Variants in PCDH15 observed in about 807,000 individuals in gnomAD.
PCDH15 encodes the protein protocadherin related 15.
A neutral mutation model predicts 178.5 loss-of-function variants in PCDH15; 129 were observed. The observed-to-expected ratio is 0.72, with a 90% CI of 0.63 to 0.84. The LOEUF is 0.84. Ranked by LOEUF, PCDH15 falls within the 40% of genes least tolerant of loss-of-function variation. PCDH15 has a pLI of 0.00. For missense variants in PCDH15, 2,230 were observed against 2,099.9 expected (o/e 1.06, Z -1.21); for synonymous variants, 800 against 732.0 (o/e 1.09, Z -1.50).
chr10:54,693,039 T>C (rs1400101163), intron 1 of PCDH15, among the ~76,000 whole-genome samples: 2 of 152,004 alleles, frequency 1.3e-5, no homozygotes, highest in Non-Finnish European at 2.9e-5. Context: ...CCTCATACCC[T>C]ACCCCGCAAC....
intron 3 of PCDH15, among the ~76,000 whole-genome samples, chr10:54,411,824 G>A (rs114131369): frequency 0.011 from 1,659 of 152,248 alleles, 34 homozygotes; most frequent in African/African-American, 0.038. Context: ...ACTTGTCAGA[G>A]AGACTAATAC....
intron 2 of PCDH15, among the ~76,000 whole-genome samples, chr10:54,576,636 A>T (rs1297594677): frequency 6.6e-6 from 1 of 152,182 alleles, no homozygotes; most frequent in Non-Finnish European, 1.5e-5. Context: ...AAATGTAAGG[A>T]ATTCAGTCAG....
chr10:53,837,768 C>CAT (rs1330225722), intron 29 of PCDH15, among the ~76,000 whole-genome samples: 2 of 151,674 alleles, frequency 1.3e-5, no homozygotes, highest in African/African-American at 4.8e-5. Flanking sequence ...CACACACACA[C>CAT]ATACACACAT....
At chr10:55,590,442 C>A (rs1257013089) in intron 2 of PCDH15, among the ~76,000 whole-genome samples, 1 of 151,646 alleles carries the variant, frequency 6.6e-6, no homozygotes, top group Admixed American at 6.6e-5. Context: ...TTCACATGCA[C>A]CCTAAAACTT....
chr10:55,409,845 G>A (rs945837968), intron 2 of PCDH15, among the ~76,000 whole-genome samples: 1 of 152,072 alleles, frequency 6.6e-6, no homozygotes, highest in African/African-American at 2.4e-5. Flanking sequence ...CTGGAAAGGA[G>A]GAACATATTA....
At chr10:55,073,694 T>C (rs547182572) in intron 2 of PCDH15, among the ~76,000 whole-genome samples, 1 of 152,196 alleles carries the variant, frequency 6.6e-6, no homozygotes, top group East Asian at 1.9e-4. Context: ...CCCTCTTCAA[T>C]TTTTTATAAT....
At chr10:54,958,960 G>A (rs16906753) in intron 2 of PCDH15, among the ~76,000 whole-genome samples, 1,628 of 151,956 alleles carry the variant, frequency 0.011, 75 homozygotes, top group East Asian at 0.049. Flanking sequence ...GAGCAGTAAC[G>A]TGAGGAAATA....
At chr10:54,333,933 T>C (rs564597598) in intron 6 of PCDH15, among the ~76,000 whole-genome samples, 78 of 152,212 alleles carry the variant, frequency 5.1e-4, no homozygotes, top group Non-Finnish European at 9.4e-4. Context: ...GCAGAAAAGT[T>C]TGGGAACAGA....
At chr10:54,813,084 T>G (rs1952891731) in intron 3 of PCDH15, among the ~76,000 whole-genome samples, 1 of 152,208 alleles carries the variant, frequency 6.6e-6, no homozygotes, top group African/African-American at 2.4e-5. Context: ...TTTATTTTCC[T>G]GGATTGCCGA....
chr10:54,164,506 T>C (rs2046016095), intron 13 of PCDH15, among the ~76,000 whole-genome samples: 1 of 152,304 alleles, frequency 6.6e-6, no homozygotes, highest in South Asian at 2.1e-4. Flanking sequence ...CCCAGTTGAA[T>C]GTATCAACAC....
At chr10:54,714,009 G>C (rs1396385166) in intron 1 of PCDH15, among the ~76,000 whole-genome samples, 1 of 152,144 alleles carries the variant, frequency 6.6e-6, no homozygotes, top group Non-Finnish European at 1.5e-5. Flanking sequence ...GAAGTTGAAA[G>C]TGTCTCTGAC....
At chr10:55,308,950 C>T (rs1843503705) in intron 1 of PCDH15, among the ~76,000 whole-genome samples, 1 of 152,142 alleles carries the variant, frequency 6.6e-6, no homozygotes, top group Non-Finnish European at 1.5e-5. Context: ...ATCTCAGCAA[C>T]TTGAATGTGA....
At chr10:55,089,862 G>A (rs909365792) in intron 2 of PCDH15, among the ~76,000 whole-genome samples, 1 of 151,994 alleles carries the variant, frequency 6.6e-6, no homozygotes, top group Non-Finnish European at 1.5e-5. Context: ...GGAAGTTAAT[G>A]TTCCTCTTAC....
intron 1 of PCDH15, among the ~76,000 whole-genome samples, chr10:55,282,813 C>T (rs1172647578): frequency 6.6e-6 from 1 of 152,132 alleles, no homozygotes; most frequent in African/African-American, 2.4e-5. Flanking sequence ...TTTGAAATCA[C>T]CTTTGCAAAA....
At chr10:54,925,204 C>T (rs1278733583) in intron 2 of PCDH15, among the ~76,000 whole-genome samples, 1 of 151,964 alleles carries the variant, frequency 6.6e-6, no homozygotes, top group Non-Finnish European at 1.5e-5. Flanking sequence ...ATAAAAAATC[C>T]TTTCCTTGTT....
chr10:55,516,759 T>C (rs530341725), intron 2 of PCDH15, among the ~76,000 whole-genome samples: 42 of 152,166 alleles, frequency 2.8e-4, no homozygotes, highest in Admixed American at 6.6e-4. Flanking sequence ...TATTTAGTGC[T>C]TTGTGACTGC....
chr10:53,858,186 G>T (rs538154060), intron 27 of PCDH15, among the ~76,000 whole-genome samples: 1 of 152,156 alleles, frequency 6.6e-6, no homozygotes, highest in African/African-American at 2.4e-5. Flanking sequence ...AAATGCATTT[G>T]TACCAGAATC....
Position 55,026,540 on chromosome 10 carries a change from A to G in PCDH15, c.-79-129040T>C, listed in dbSNP as rs915585475. 8.5e-5 allele frequency among the ~76,000 whole-genome samples: 13 copies of G among 152,104 alleles called. No homozygotes were observed. In the East Asian group the frequency reaches 2.3e-3, roughly 27 times the overall value. Reference sequence around the variant, plus strand: ...TTATTTGGAATTCAACTACAAAGAGAGGAATATAGAAATACAGTGCAAGGC... The same window carrying G: ...TTATTTGGAATTCAACTACAAAGAGGGGAATATAGAAATACAGTGCAAGGC... On this transcript the variant is annotated intron_variant, in intron 2 of 5. Transcript: ENST00000458638.
At chr10:55,284,628 G>C (rs1842820517) in intron 1 of PCDH15, among the ~76,000 whole-genome samples, 1 of 151,914 alleles carries the variant, frequency 6.6e-6, no homozygotes, top group Non-Finnish European at 1.5e-5. Context: ...CACTCAATCT[G>C]TATTTACCAT....
Sources: allele counts gnomAD v4.1 joint callset (sites outside exome capture counted in the v4.1 genomes callset), GRCh38; gene constraint gnomAD v4.1.1; transcripts MANE v1.5; gene names NCBI Gene and HGNC (gene_info 2026-07-23, HGNC 2026-07-21).